The following NELL2 variants were observed in gnomAD, a reference collection of about 807,000 sequenced individuals.
The protein encoded by NELL2 is neural EGFL like 2.
Under a neutral mutation model 109.6 loss-of-function variants are expected in NELL2, and 41 were observed. The ratio of observed to expected loss-of-function variants is 0.37; its 90% CI spans 0.29 to 0.49. The LOEUF (loss-of-function observed/expected upper bound fraction) is 0.49, where lower values mean the gene tolerates loss of function less well. Among genes scored for constraint, NELL2 ranks in the 20% least tolerant of loss-of-function variants. The pLI is 0.98. For missense variants in NELL2, 900 were observed against 1,008.3 expected, an observed-to-expected ratio of 0.89 and a Z score of 1.45; for synonymous variants, 355 against 344.7, an observed-to-expected ratio of 1.03 and a Z score of -0.33.
chr12:44,517,884 T>C (rs1326346656), intron 19 of NELL2, among the ~76,000 whole-genome samples: 2 of 152,084 alleles, frequency 1.3e-5, no homozygotes, highest in Non-Finnish European at 2.9e-5. Context: ...GGGAGTAGAA[T>C]GGAGACATAA....
intron 15 of NELL2, among the ~76,000 whole-genome samples, chr12:44,604,594 A>G (rs1945328932): frequency 6.6e-6 from 1 of 152,168 alleles, no homozygotes; most frequent in Admixed American, 6.6e-5. Flanking sequence ...TTTCGTGATG[A>G]TACAAAAGCA....
At chr12:44,535,565 T>A (rs966719515) in intron 15 of NELL2, among the ~76,000 whole-genome samples, 1 of 152,022 alleles carries the variant, frequency 6.6e-6, no homozygotes, top group Non-Finnish European at 1.5e-5. Context: ...GAATTTACAA[T>A]CATATAGAAC....
chr12:44,866,123 AAAG>A (rs1180225754), intron 2 of NELL2, among the ~76,000 whole-genome samples: 1 of 152,230 alleles, frequency 6.6e-6, no homozygotes, highest in East Asian at 1.9e-4. Flanking sequence ...GTGAAGACAC[AAAG>A]AAGGTGTAAT....
chr12:44,752,033 C>A (rs1319640279), intron 9 of NELL2, among the ~76,000 whole-genome samples: 2 of 152,104 alleles, frequency 1.3e-5, no homozygotes, highest in Non-Finnish European at 2.9e-5. Context: ...ACATTCAAAG[C>A]CATCCTGGGC....
intron 13 of NELL2, among the ~76,000 whole-genome samples, chr12:44,637,163 C>T (rs1592247443): frequency 6.6e-6 from 1 of 151,708 alleles, no homozygotes; most frequent in East Asian, 1.9e-4. Context: ...ATTAGTCTGG[C>T]TAGTGGTCTA....
intron 9 of NELL2, among the ~76,000 whole-genome samples, chr12:44,727,175 T>C (rs1939126750): frequency 6.6e-6 from 1 of 152,010 alleles, no homozygotes; most frequent in Non-Finnish European, 1.5e-5. Context: ...CACATAAAAA[T>C]TGCACATAGG....
intron 2 of NELL2, among the ~76,000 whole-genome samples, chr12:44,828,412 A>G (rs1943782491): frequency 3.3e-5 from 5 of 152,164 alleles, no homozygotes; most frequent in Admixed American, 3.3e-4. Flanking sequence ...TTAAACCCCC[A>G]AACACCTTCA....
At chr12:44,869,346 C>T (rs975904086) in intron 2 of NELL2, among the ~76,000 whole-genome samples, 1 of 152,204 alleles carries the variant, frequency 6.6e-6, no homozygotes, top group Non-Finnish European at 1.5e-5. Flanking sequence ...CTGGAGTCAG[C>T]TCCATGCTCT....
At chr12:44,866,248 T>C (rs1944996748) in intron 2 of NELL2, among the ~76,000 whole-genome samples, 1 of 152,228 alleles carries the variant, frequency 6.6e-6, no homozygotes, top group Non-Finnish European at 1.5e-5. Flanking sequence ...AGATATTTTG[T>C]TGTAGTAGCC....
Position 44,827,212 on chromosome 12 carries a change from T to C in NELL2, c.185-11076A>G, listed in dbSNP as rs116744712. Among the ~76,000 whole-genome samples, 1,162 of 152,286 alleles carry C rather than the reference T, an allele frequency of 7.6e-3. 14 individuals are homozygous for C. The highest frequency in any genetic ancestry group is 0.026 in the African/African-American group (1,087 of 41,562). On this transcript the variant is annotated intron_variant, in intron 2 of 19. Coordinates refer to ENST00000429094, the MANE Select transcript of NELL2 (RefSeq NM_001145108.2). ...ATATTTATGAGTTACATGAGATATT[T>C]TGATATAGGCATGCGATGATATTGA...
Position 44,686,733 on chromosome 12 carries a change from CA to C in NELL2, c.1318+16992del, listed in dbSNP as rs914792678. On this transcript the variant is annotated intron_variant, in intron 12 of 19. Coordinates refer to ENST00000429094, the MANE Select transcript of NELL2 (RefSeq NM_001145108.2). Reference sequence around the variant, plus strand: ...CCTCCCAGTTAGTCTGCTCGGGGGTCAGGGGTCAGGGACCCACTTGAGGAGG... The same window carrying C: ...CCTCCCAGTTAGTCTGCTCGGGGGTCGGGGTCAGGGACCCACTTGAGGAGG... Among the ~76,000 whole-genome samples the C allele has an allele frequency of 7.0e-4, 107 of 152,250 alleles. 1 individual carries two copies. The highest frequency in any genetic ancestry group is 2.5e-3 in the African/African-American group (104 of 41,540).
At chr12:44,732,435 T>C (rs1939419077) in intron 9 of NELL2, among the ~76,000 whole-genome samples, 1 of 151,846 alleles carries the variant, frequency 6.6e-6, no homozygotes, top group Admixed American at 6.6e-5. Flanking sequence ...CCAACAAGAA[T>C]ACTAAGAATA....
At chr12:44,846,901 A>G (rs1441703519) in intron 2 of NELL2, among the ~76,000 whole-genome samples, 2 of 152,216 alleles carry the variant, frequency 1.3e-5, no homozygotes, top group Non-Finnish European at 2.9e-5. Flanking sequence ...ACCCATCCAT[A>G]TACTGTGGCA....
intron 3 of NELL2, among the ~76,000 whole-genome samples, chr12:44,791,100 T>TAC (rs1331789351): frequency 8.0e-5 from 2 of 24,862 alleles, no homozygotes; most frequent in African/African-American, 3.5e-4. Flanking sequence ...TATATATGTA[T>TAC]ATATATATGT....
intron 2 of NELL2, among the ~76,000 whole-genome samples, chr12:44,824,472 TC>T (rs1943641890): frequency 6.6e-6 from 1 of 152,072 alleles, no homozygotes; most frequent in South Asian, 2.1e-4. Context: ...CATGTGGATA[TC>T]CAGTTTTCCC....
intron 15 of NELL2, among the ~76,000 whole-genome samples, chr12:44,570,984 G>T (rs1159838247): frequency 6.6e-6 from 1 of 152,138 alleles, no homozygotes; most frequent in African/African-American, 2.4e-5. Context: ...ACCTATTGGG[G>T]TTCTTCTATA....
intron 9 of NELL2, among the ~76,000 whole-genome samples, chr12:44,727,998 G>A (rs1386580332): frequency 1.3e-5 from 2 of 151,786 alleles, no homozygotes; most frequent in Non-Finnish European, 2.9e-5. Flanking sequence ...GAAGAATACT[G>A]TGGAAATGTT....
chr12:44,526,745 A>G (rs1941796392), intron 16 of NELL2, among the ~76,000 whole-genome samples: 1 of 152,244 alleles, frequency 6.6e-6, no homozygotes, highest in African/African-American at 2.4e-5. Context: ...GCTGCGGAGC[A>G]GAAGAATGGG....
intron 16 of NELL2, among the ~76,000 whole-genome samples, chr12:44,530,135 C>A (rs1941974092): frequency 6.6e-6 from 1 of 151,710 alleles, no homozygotes; most frequent in African/African-American, 2.4e-5. Context: ...CCACTTCCTC[C>A]AATAAAAGAG....
Sources: allele counts gnomAD v4.1 joint callset (sites outside exome capture counted in the v4.1 genomes callset), GRCh38; gene constraint gnomAD v4.1.1; transcripts MANE v1.5; gene names NCBI Gene and HGNC (gene_info 2026-07-23, HGNC 2026-07-21).